MARCKS: variants seen among roughly 807,000 people sequenced by gnomAD.
MARCKS encodes myristoylated alanine rich protein kinase C substrate.
In MARCKS, 4 loss-of-function variants were observed where a neutral mutation model predicts 6.3. That is an observed-to-expected ratio of 0.63 (90% CI 0.31 to 1.45). The LOEUF is 1.45. Ranked by LOEUF, MARCKS falls within the 40% of genes most tolerant of loss-of-function variation. The pLI, the probability that MARCKS is intolerant of heterozygous loss-of-function variation, is 0.07. For missense variants in MARCKS, 636 were observed against 485.7 expected (o/e 1.31, Z -2.91); for synonymous variants, 289 against 236.5 (o/e 1.22, Z -2.04).
At chr6:113,859,179 A>G (rs1364148713) in intron 1 of MARCKS, among the ~76,000 whole-genome samples, 1 of 152,150 alleles carries the variant, frequency 6.6e-6, no homozygotes, top group Non-Finnish European at 1.5e-5. Context: ...TCCTGGCTCG[A>G]GTGCTGTGAT....
Position 113,860,278 on chromosome 6 carries a change from AC to A in MARCKS, c.701del (p.Pro234ArgfsTer135). The A allele has an allele frequency of 8.3e-7, 1 of 1,209,178 alleles. No individual in the cohort carries two copies. Among genetic ancestry groups the A allele is most frequent in the Non-Finnish European group, 1.0e-6 (1 of 952,684 alleles). The allele number at this position is 1,209,178 out of a possible 1,614,324, so 74.9% of individuals were successfully genotyped here. A position where few individuals can be genotyped will look rare whatever the true frequency, so the allele number is the denominator to read the frequency against. On this transcript the variant is annotated frameshift_variant, in exon 2 of 2. Transcript: ENST00000612661. LOFTEE classifies it low-confidence loss of function (END_TRUNC). The part of the protein sequence containing the change: ...AAGEEGAAGG[D>X]PQEAKPQEAA... ...GGCGAGGAGGGGGCGGCGGGTGGCGACCCGCAGGAGGCCAAGCCCCAGGAGG... is the reference window on the plus strand; with the variant it reads ...GGCGAGGAGGGGGCGGCGGGTGGCGACCGCAGGAGGCCAAGCCCCAGGAGG...
At position 113,861,856 on chromosome 6, in the gene MARCKS, G is replaced by C. The variant is rs547258665; in HGVS notation, c.*1277G>C. On this transcript the variant is annotated 3_prime_UTR_variant, in exon 2 of 2. Transcript: ENST00000612661. ...ATAATACTGAGACTTCTAGGTCTTA[G>C]GTTAATTTTTAGGAAGATCTTGCAT... 6.6e-6 allele frequency: 1 copy of C among 152,460 alleles called. No homozygotes were observed. The highest frequency in any genetic ancestry group is 1.5e-5 in the Non-Finnish European group (1 of 67,970). The allele number at this position is 152,460 out of a possible 1,614,324, so 9.4% of individuals were successfully genotyped here.
rs985545059 is a variant in MARCKS, at chr6:113,860,097, A to C, written c.517A>C (p.Lys173Gln). 6 of 1,563,302 alleles carry C rather than the reference A, an allele frequency of 3.8e-6. No individual in the cohort carries two copies. Among genetic ancestry groups the C allele is most frequent in the Non-Finnish European group, 5.2e-6 (6 of 1,154,920 alleles). ...SFKLSGFSFK[K>Q]NKKEAGEGGE... ...CAAGCTGAGCGGCTTCTCCTTCAAG[A>C]AGAACAAGAAGGAGGCTGGAGAAGG... is the stretch of plus-strand genomic sequence containing the variant. Residue 173 changes from lysine to glutamine, a missense_variant, in exon 2 of 2, where the codon AAG becomes CAG. Lys to Gln is a moderately conservative substitution (Grantham distance 53, BLOSUM62 1). Coordinates refer to ENST00000612661, the MANE Select transcript of MARCKS (RefSeq NM_002356.7).
chr6:113,859,438 A>G (rs1774840663), intron 1 of MARCKS, among the ~76,000 whole-genome samples: 1 of 152,028 alleles, frequency 6.6e-6, no homozygotes, highest in African/African-American at 2.4e-5. Context: ...CTGGGAGGCC[A>G]TTGCCGTACT....
chr6:113,860,466 G>C lies in MARCKS; in HGVS notation c.886G>C (p.Ala296Pro). The change falls in exon 2 of 2, where the codon GCC becomes CCC. Residue 296 changes from alanine (A) to proline (P), a missense_variant. Coordinates refer to ENST00000612661, the MANE Select transcript of MARCKS (RefSeq NM_002356.7). ...GPGAPPEQEAAPAEEPAAAAA... is the reference protein window; with the variant it reads ...GPGAPPEQEAPPAEEPAAAAA... The stretch of plus-strand genomic sequence containing the variant: ...CGGCGCGCCCCCGGAGCAGGAGGCA[G>C]CCCCCGCGGAGGAGCCCGCGGCCGC... The C allele has an allele frequency of 7.1e-7, 1 of 1,403,664 alleles. No homozygotes were observed. Among genetic ancestry groups the C allele is most frequent in the South Asian group, 1.5e-5 (1 of 67,286 alleles). 87.0% of individuals were successfully genotyped at this position (1,403,664 alleles called of 1,614,324 possible).
Position 113,860,169 on chromosome 6 carries a change from G to T in MARCKS, c.589G>T (p.Ala197Ser), listed in dbSNP as rs1774867593. ...TGCCGAAGGCGGCAAGGACGAGGCCGCCGGGGGCGCAGCTGCGGCCGCCGC... is the reference window on the plus strand; with the variant it reads ...TGCCGAAGGCGGCAAGGACGAGGCCTCCGGGGGCGCAGCTGCGGCCGCCGC... ...PAAEGGKDEA[A>S]GGAAAAAAEA... Residue 197 changes from alanine (A) to serine (S), a missense_variant, in exon 2 of 2, where the codon GCC becomes TCC. Coordinates refer to ENST00000612661, the MANE Select transcript of MARCKS (RefSeq NM_002356.7). 4.5e-6 allele frequency: 6 copies of T among 1,324,972 alleles called. No homozygotes were observed. Among genetic ancestry groups the T allele is most frequent in the Non-Finnish European group, 5.8e-6 (6 of 1,029,698 alleles). The allele number at this position is 1,324,972 out of a possible 1,614,324, so 82.1% of individuals were successfully genotyped here.
Position 113,860,215 on chromosome 6 carries a change from G to A in MARCKS, c.635G>A (p.Gly212Glu). Residue 212 changes from glycine (G) to glutamate (E), a missense_variant, in exon 2 of 2, where the codon GGG becomes GAG. Physicochemically the swap from Gly to Glu is moderately conservative, Grantham distance 98. Transcript: ENST00000612661. Reference protein sequence around the residue: ...AAAAEAGAASGEQAAAPGEEA... With the variant: ...AAAAEAGAASEEQAAAPGEEA... Reference sequence around the variant, plus strand: ...GCCGCCGAGGCGGGCGCGGCCTCCGGGGAGCAGGCAGCGGCGCCGGGCGAG... The same window carrying A: ...GCCGCCGAGGCGGGCGCGGCCTCCGAGGAGCAGGCAGCGGCGCCGGGCGAG... 3 of 1,102,126 alleles carry A rather than the reference G, an allele frequency of 2.7e-6. No individual in the cohort carries two copies. The highest frequency in any genetic ancestry group is 3.4e-5 in the African/African-American group (2 of 59,156). 68.3% of individuals were successfully genotyped at this position (1,102,126 alleles called of 1,614,324 possible).
At position 113,857,643 on chromosome 6, in the gene MARCKS, TGCC is replaced by T. The variant is rs1453068894; in HGVS notation, c.-94_-92del. 2.0e-6 allele frequency: 1 copy of T among 511,846 alleles called. No homozygotes were observed. The highest frequency in any genetic ancestry group is 3.3e-6 in the Non-Finnish European group (1 of 306,044). 31.7% of individuals were successfully genotyped at this position (511,846 alleles called of 1,614,324 possible). A position where few individuals can be genotyped will look rare whatever the true frequency, so the allele number is the denominator to read the frequency against. On this transcript the variant is annotated 5_prime_UTR_variant, in exon 1 of 2. Coordinates refer to ENST00000612661, the MANE Select transcript of MARCKS (RefSeq NM_002356.7). ...CCGGTGTGTGTGCCGCTGCCGCTGT[TGCC>T]GCCGCCGCTGCTGCTGCTGCTCGCC...
intron 1 of MARCKS, among the ~76,000 whole-genome samples, chr6:113,858,694 T>C (rs1448300827): frequency 6.6e-6 from 1 of 152,210 alleles, no homozygotes; most frequent in Admixed American, 6.5e-5. Context: ...GGGTGGCTGC[T>C]TCGCAAACAC....
rs916119886 is a variant in MARCKS at position 113,862,026 on chromosome 6, C to G, written c.*1447C>G. The G allele has an allele frequency of 5.3e-5, 8 of 152,134 alleles. No homozygotes were observed. The highest frequency in any genetic ancestry group is 3.4e-3 in the Middle Eastern group (1 of 294). 9.4% of individuals were successfully genotyped at this position (152,134 alleles called of 1,614,324 possible). ...TTACCATTTATTGGCATTTAGTTTT[C>G]ATTTAAGAATTGAACATAATTATTT... On this transcript the variant is annotated 3_prime_UTR_variant, in exon 2 of 2. Transcript: ENST00000612661.
Position 113,860,068 on chromosome 6 carries a change from C to G in MARCKS, c.488C>G (p.Ser163Cys). 6.3e-7 allele frequency: 1 copy of G among 1,577,012 alleles called. No homozygotes were observed. The highest frequency in any genetic ancestry group is 8.6e-7 in the Non-Finnish European group (1 of 1,162,668). ...KKKKRFSFKK[S>C]FKLSGFSFKK... ...AAGAAGCGCTTTTCCTTCAAGAAGT[C>G]TTTCAAGCTGAGCGGCTTCTCCTTC... The change falls in exon 2 of 2, where the codon TCT becomes TGT. Residue 163 changes from serine to cysteine, a missense_variant. By Grantham distance (112) the Ser-to-Cys change is moderately radical. Coordinates refer to ENST00000612661, the MANE Select transcript of MARCKS (RefSeq NM_002356.7).
rs1281679617 is a variant in MARCKS, at chr6:113,861,779, A to G, written c.*1200A>G. ...ATTTTCTGTGAGCACACTAAAAGCG[A>G]AAAATAAATGTGAATAAAATGTACA... On this transcript the variant is annotated 3_prime_UTR_variant, in exon 2 of 2. Coordinates refer to ENST00000612661, the MANE Select transcript of MARCKS (RefSeq NM_002356.7). The G allele has an allele frequency of 6.6e-6, 1 of 152,644 alleles. No individual in the cohort carries two copies. The highest frequency in any genetic ancestry group is 1.5e-5 in the Non-Finnish European group (1 of 68,016). 9.5% of individuals were successfully genotyped at this position (152,644 alleles called of 1,614,324 possible). A position where few individuals can be genotyped will look rare whatever the true frequency, so the allele number is the denominator to read the frequency against.
At position 113,859,816 on chromosome 6, in the gene MARCKS, C is replaced by A; in HGVS notation, c.236C>A (p.Ala79Glu). 1 of 1,298,678 alleles carries A rather than the reference C, an allele frequency of 7.7e-7. No homozygotes were observed. The highest frequency in any genetic ancestry group is 9.8e-7 in the Non-Finnish European group (1 of 1,025,482). The allele number at this position is 1,298,678 out of a possible 1,614,324, so 80.4% of individuals were successfully genotyped here. ...KEEPAAAGSG[A>E]ASPSAAEKGE... ...GAGCCCGCGGCCGCCGGGAGCGGGG[C>A]GGCGTCGCCCTCCGCGGCCGAGAAA... The change falls in exon 2 of 2, where the codon GCG (alanine) becomes GAG (glutamate). Residue 79 changes from alanine to glutamate, a missense_variant. By Grantham distance (107) the Ala-to-Glu change is moderately radical. Coordinates refer to ENST00000612661, the MANE Select transcript of MARCKS (RefSeq NM_002356.7).
chr6:113,858,088 T>C (rs1774815185), intron 1 of MARCKS, among the ~76,000 whole-genome samples: 1 of 152,140 alleles, frequency 6.6e-6, no homozygotes, highest in Admixed American at 6.5e-5. Context: ...ATAAATCGTC[T>C]AAAATGGCGT....
In MARCKS at chr6:113,859,885, C is replaced by G. The variant is rs1774857580; in HGVS notation, c.305C>G (p.Pro102Arg). 3 of 1,431,082 alleles carry G rather than the reference C, an allele frequency of 2.1e-6. No homozygotes were observed. The South Asian group carries it at 4.0e-5, about 19-fold the overall frequency. The allele number at this position is 1,431,082 out of a possible 1,614,324, so 88.6% of individuals were successfully genotyped here. ...GCTGCCCCCGAGGCCGGGGCCAGCCCGGTAGAGAAGGAGGCCCCCGCGGAA... is the reference window on the plus strand; with the variant it reads ...GCTGCCCCCGAGGCCGGGGCCAGCCGGGTAGAGAAGGAGGCCCCCGCGGAA... ...AAAAPEAGAS[P>R]VEKEAPAEGE... Residue 102 changes from proline to arginine, a missense_variant, in exon 2 of 2, where the codon CCG becomes CGG. Coordinates refer to ENST00000612661, the MANE Select transcript of MARCKS (RefSeq NM_002356.7).
chr6:113,857,497 C>A lies in MARCKS; in HGVS notation c.-249C>A, dbSNP rs2114518994. 1 of 453,202 alleles carries A rather than the reference C, an allele frequency of 2.2e-6. No individual in the cohort carries two copies. The highest frequency in any genetic ancestry group is 4.3e-5 in the East Asian group (1 of 22,996). 28.1% of individuals were successfully genotyped at this position (453,202 alleles called of 1,614,324 possible). A position where few individuals can be genotyped will look rare whatever the true frequency, so the allele number is the denominator to read the frequency against. ...GCTCCTTTTTTTGTGCTCGACTTTT[C>A]CACCCTTTTTCCCTCCCTCCTGTGC... On this transcript the variant is annotated 5_prime_UTR_variant, in exon 1 of 2. Coordinates refer to ENST00000612661, the MANE Select transcript of MARCKS (RefSeq NM_002356.7).
In MARCKS at chr6:113,861,202, A is replaced by T. The variant is rs1355739294; in HGVS notation, c.*623A>T. ...ACACCAATACCCAGATTTAAAAAAA[A>T]AAAAACGATCATAGTCTTAGGAGTT... On this transcript the variant is annotated 3_prime_UTR_variant, in exon 2 of 2. Transcript: ENST00000612661. 1 of 152,538 alleles carries T rather than the reference A, an allele frequency of 6.6e-6. No individual in the cohort carries two copies. Among genetic ancestry groups the T allele is most frequent in the African/African-American group, 2.4e-5 (1 of 41,426 alleles). 9.4% of individuals were successfully genotyped at this position (152,538 alleles called of 1,614,324 possible).
chr6:113,860,181 G>C lies in MARCKS; in HGVS notation c.601G>C (p.Ala201Pro). Residue 201 changes from alanine to proline, a missense_variant, in exon 2 of 2, where the codon GCT becomes CCT. Physicochemically the swap from Ala to Pro is conservative, Grantham distance 27. Transcript: ENST00000612661. ...GGKDEAAGGA[A>P]AAAAEAGAAS... Reference sequence around the variant, plus strand: ...CAAGGACGAGGCCGCCGGGGGCGCAGCTGCGGCCGCCGCCGAGGCGGGCGC... The same window carrying C: ...CAAGGACGAGGCCGCCGGGGGCGCACCTGCGGCCGCCGCCGAGGCGGGCGC... 1 of 1,227,542 alleles carries C rather than the reference G, an allele frequency of 8.1e-7. No individual in the cohort carries two copies. The highest frequency in any genetic ancestry group is 1.0e-6 in the Non-Finnish European group (1 of 975,500). The allele number at this position is 1,227,542 out of a possible 1,614,324, so 76.0% of individuals were successfully genotyped here.
chr6:113,857,547 A>G lies in MARCKS; in HGVS notation c.-199A>G. On this transcript the variant is annotated 5_prime_UTR_variant, in exon 1 of 2. Coordinates refer to ENST00000612661, the MANE Select transcript of MARCKS (RefSeq NM_002356.7). Reference sequence around the variant, plus strand: ...CTGCTGCTTTTTGATCTCTTCGACTAAAATTTTTTTATCCGGAGTGTATTT... The same window carrying G: ...CTGCTGCTTTTTGATCTCTTCGACTGAAATTTTTTTATCCGGAGTGTATTT... 1 of 528,992 alleles carries G rather than the reference A, an allele frequency of 1.9e-6. No individual in the cohort carries two copies. Among genetic ancestry groups the G allele is most frequent in the Non-Finnish European group, 3.4e-6 (1 of 298,136 alleles). The allele number at this position is 528,992 out of a possible 1,614,324, so 32.8% of individuals were successfully genotyped here.
Sources: gnomAD v4.1 joint callset for allele counts (sites outside exome capture counted in the v4.1 genomes callset) on GRCh38, gnomAD v4.1.1 for gene constraint, MANE v1.5 for transcripts, NCBI Gene and HGNC (gene_info 2026-07-23, HGNC 2026-07-21) for gene names.